The following GALNTL6 variants were observed in gnomAD, a reference collection of about 807,000 sequenced individuals.
The protein encoded by GALNTL6 is polypeptide N-acetylgalactosaminyltransferase-like 6.
GALNTL6 carries 46 observed loss-of-function variants against 73.7 expected under a neutral mutation model. That is an observed-to-expected ratio of 0.62 (90% CI 0.49 to 0.80). GALNTL6 has a LOEUF of 0.80. GALNTL6 is among the 30% of genes least tolerant of loss of function. The pLI is 0.00. For synonymous variants in GALNTL6, 259 were observed against 263.7 expected (o/e 0.98, Z 0.17); for missense variants, 604 against 755.0 (o/e 0.80, Z 2.34).
At chr4:172,319,536 G>T (rs1190928092) in intron 4 of GALNTL6, among the ~76,000 whole-genome samples, 2 of 151,998 alleles carry the variant, frequency 1.3e-5, no homozygotes, top group African/African-American at 4.8e-5. Context: ...AATTGTACTT[G>T]ATTTTACAGA....
intron 10 of GALNTL6, among the ~76,000 whole-genome samples, chr4:172,961,316 G>A (rs1750041765): frequency 6.6e-6 from 1 of 150,602 alleles, no homozygotes; most frequent in Non-Finnish European, 1.5e-5. Flanking sequence ...TGCCCCCCCA[G>A]GAAAGTGGAG....
intron 11 of GALNTL6, among the ~76,000 whole-genome samples, chr4:173,010,413 T>C (rs550524499): frequency 6.6e-6 from 1 of 152,296 alleles, no homozygotes; most frequent in East Asian, 1.9e-4. Context: ...CATTCATCTA[T>C]TGATGGACAC....
At chr4:172,244,796 C>T (rs1000969510) in intron 3 of GALNTL6, among the ~76,000 whole-genome samples, 2 of 152,134 alleles carry the variant, frequency 1.3e-5, no homozygotes, top group Non-Finnish European at 1.5e-5. Flanking sequence ...AGAGCTATTT[C>T]GCTTTGCTTC....
intron 8 of GALNTL6, among the ~76,000 whole-genome samples, chr4:172,892,725 G>C (rs1439190884): frequency 1.3e-5 from 2 of 151,824 alleles, no homozygotes; most frequent in Non-Finnish European, 2.9e-5. Flanking sequence ...GAGATGGGGG[G>C]CAAGAGATGA....
At chr4:172,866,371 T>C (rs1744664000) in intron 7 of GALNTL6, among the ~76,000 whole-genome samples, 1 of 152,190 alleles carries the variant, frequency 6.6e-6, no homozygotes, top group South Asian at 2.1e-4. Flanking sequence ...ACTCTCTTGA[T>C]TCAAATCCAC....
intron 2 of GALNTL6, among the ~76,000 whole-genome samples, chr4:172,042,422 C>A (rs1046828946): frequency 1.1e-4 from 17 of 152,106 alleles, no homozygotes; most frequent in African/African-American, 3.6e-4. Context: ...CTAGACTTCT[C>A]TTATGAGACC....
chr4:172,449,088 T>A (rs897026934), intron 5 of GALNTL6, among the ~76,000 whole-genome samples: 2 of 152,176 alleles, frequency 1.3e-5, no homozygotes, highest in Non-Finnish European at 2.9e-5. Flanking sequence ...CAATCTGAAT[T>A]GCACTGGGAT....
intron 5 of GALNTL6, among the ~76,000 whole-genome samples, chr4:172,524,931 A>C (rs150311466): frequency 3.4e-4 from 52 of 152,316 alleles, no homozygotes; most frequent in Admixed American, 1.6e-3. Context: ...ACATATTTAT[A>C]TCCACTATCT....
intron 2 of GALNTL6, among the ~76,000 whole-genome samples, chr4:171,905,539 T>A (rs1463607468): frequency 6.7e-6 from 1 of 149,932 alleles, no homozygotes; most frequent in Non-Finnish European, 1.5e-5. Context: ...CACACATTAA[T>A]AATGGGAGAC....
chr4:172,863,690 TACTTTTGAGTTAATGCTGTGAACTGTGG>T (rs1561000074), intron 7 of GALNTL6, among the ~76,000 whole-genome samples: 1 of 152,028 alleles, frequency 6.6e-6, no homozygotes, highest in East Asian at 1.9e-4. Flanking sequence ...TTGAACTGTG[TACTTTTGAGTTAATGCTGTGAACTGTGG>T]ACTTTTGAGT....
intron 5 of GALNTL6, among the ~76,000 whole-genome samples, chr4:172,529,857 T>C (rs1735109068): frequency 7.3e-6 from 1 of 137,114 alleles, no homozygotes; most frequent in Non-Finnish European, 1.5e-5. Context: ...GGCTAATTTA[T>C]TTTTATTTTA....
Position 173,009,070 on chromosome 4 carries a change from T to C in GALNTL6, c.1372-108T>C, listed in dbSNP as rs943263138. ...TTCAAGGTCTCATTCAATATGCATG[T>C]AACCAAAAAGATAATCTATGTCTTA... On this transcript the variant is annotated intron_variant, in intron 10 of 12. Transcript: ENST00000506823. 11 of 752,104 alleles carry C rather than the reference T, an allele frequency of 1.5e-5. No individual in the cohort carries two copies. The Admixed American group carries it at 1.8e-4, about 12-fold the overall frequency. The allele number at this position is 752,104 out of a possible 1,614,324, so 46.6% of individuals were successfully genotyped here.
In GALNTL6 at chr4:172,990,130, A is replaced by G. The variant is rs567043303; in HGVS notation, c.1372-19048A>G. 2.6e-5 allele frequency among the ~76,000 whole-genome samples: 4 copies of G among 152,346 alleles called. 1 individual carries two copies. The highest frequency in any genetic ancestry group is 2.6e-4 in the Admixed American group (4 of 15,302). ...TAAGTCAACTTTGATTCCTTCAAGC[A>G]GTCTGTTTATATCTGAAAGCATGTC... On this transcript the variant is annotated intron_variant, in intron 10 of 12. Coordinates refer to ENST00000506823, the MANE Select transcript of GALNTL6 (RefSeq NM_001034845.3).
At chr4:172,971,420 C>T (rs1378540683) in intron 10 of GALNTL6, among the ~76,000 whole-genome samples, 1 of 152,148 alleles carries the variant, frequency 6.6e-6, no homozygotes, top group Admixed American at 6.5e-5. Flanking sequence ...CCAAGAGCTG[C>T]TTGAAGAAGC....
intron 7 of GALNTL6, among the ~76,000 whole-genome samples, chr4:172,858,701 T>C (rs1744237778): frequency 6.6e-6 from 1 of 151,984 alleles, no homozygotes; most frequent in Admixed American, 6.6e-5. Flanking sequence ...TAGACTAAAA[T>C]CTAAGCTGTC....
chr4:172,820,162 G>T (rs2111019952), intron 7 of GALNTL6, among the ~76,000 whole-genome samples: 1 of 152,338 alleles, frequency 6.6e-6, no homozygotes, highest in African/African-American at 2.4e-5. Flanking sequence ...CCAGGCTTGG[G>T]TTGACTAATG....
At chr4:172,881,925 G>A (rs879438046) in intron 7 of GALNTL6, among the ~76,000 whole-genome samples, 11 of 151,838 alleles carry the variant, frequency 7.2e-5, no homozygotes, top group African/African-American at 1.2e-4. Flanking sequence ...TCCTCAAACC[G>A]TGTGCATAGG....
chr4:172,296,312 A>G (rs1739670963), intron 3 of GALNTL6, among the ~76,000 whole-genome samples: 1 of 152,072 alleles, frequency 6.6e-6, no homozygotes, highest in Admixed American at 6.6e-5. Flanking sequence ...TTTGGAATAA[A>G]TCTCTATTGG....
At chr4:171,844,229 A>G (rs980814446) in intron 2 of GALNTL6, among the ~76,000 whole-genome samples, 1 of 152,112 alleles carries the variant, frequency 6.6e-6, no homozygotes, top group South Asian at 2.1e-4. Flanking sequence ...CTTGATTTGG[A>G]GGATGAAACT....
Sources: gnomAD v4.1 joint callset for allele counts (sites outside exome capture counted in the v4.1 genomes callset) on GRCh38, gnomAD v4.1.1 for gene constraint, MANE v1.5 for transcripts, NCBI Gene and HGNC (gene_info 2026-07-23, HGNC 2026-07-21) for gene names.